The following LRRC20 variants were observed in gnomAD, a reference collection of about 807,000 sequenced individuals.
LRRC20 encodes leucine-rich repeat-containing protein 20.
In LRRC20, 11 loss-of-function variants were observed where a neutral mutation model predicts 14.4. That is an observed-to-expected ratio of 0.77 (90% CI 0.48 to 1.27). LRRC20 has a LOEUF of 1.27. LRRC20 is among the 50% of genes most tolerant of loss of function. The probability of loss-of-function intolerance (pLI) is 0.00; values close to 1 mark genes in which losing one functional copy is unlikely to be tolerated. For synonymous variants in LRRC20, 121 were observed against 107.3 expected (o/e 1.13, Z -0.79); for missense variants, 219 against 251.2 (o/e 0.87, Z 0.87).
intron 2 of LRRC20, among the ~76,000 whole-genome samples, chr10:70,366,524 T>TA (rs980852430): frequency 2.0e-5 from 3 of 151,744 alleles, no homozygotes; most frequent in Middle Eastern, 3.2e-3. Flanking sequence ...CTTAATACTA[T>TA]AAAAAAAGAA....
intron 2 of LRRC20, among the ~76,000 whole-genome samples, chr10:70,342,330 A>G (rs1466047439): frequency 6.6e-6 from 1 of 151,904 alleles, no homozygotes; most frequent in African/African-American, 2.4e-5. Context: ...AAGTTCTAAG[A>G]TTGGATTGTG....
intron 2 of LRRC20, among the ~76,000 whole-genome samples, chr10:70,344,057 TG>T (rs1349897338): frequency 6.6e-6 from 1 of 152,040 alleles, no homozygotes; most frequent in Non-Finnish European, 1.5e-5. Flanking sequence ...AAAAACTAGC[TG>T]GGCATGGTGG....
intron 1 of LRRC20, among the ~76,000 whole-genome samples, chr10:70,378,048 AGAGC>A (rs137908140): frequency 1 from 152,348 of 152,348 alleles, 76,174 homozygotes; most frequent in Non-Finnish European, 1. Flanking sequence ...ATGAGGATTG[AGAGC>A]ACAAAATGTA....
chr10:70,304,120 GACA>G (rs1170305819), intron 4 of LRRC20, among the ~76,000 whole-genome samples: 1 of 151,978 alleles, frequency 6.6e-6, no homozygotes, highest in Non-Finnish European at 1.5e-5. Flanking sequence ...GGATCACTCA[GACA>G]ACACTAGGAC....
chr10:70,326,276 C>T (rs1589068128), intron 3 of LRRC20, among the ~76,000 whole-genome samples: 1 of 147,846 alleles, frequency 6.8e-6, no homozygotes, highest in Non-Finnish European at 1.5e-5. Flanking sequence ...TGACCCCTGC[C>T]CCCTTCCCAG....
chr10:70,327,737 T>A (rs1842382711), intron 3 of LRRC20, among the ~76,000 whole-genome samples: 1 of 152,160 alleles, frequency 6.6e-6, no homozygotes, highest in African/African-American at 2.4e-5. Context: ...TGAAATAACT[T>A]GCCCAAGGTC....
intron 3 of LRRC20, among the ~76,000 whole-genome samples, chr10:70,325,704 T>A (rs1842289743): frequency 6.6e-6 from 1 of 152,198 alleles, no homozygotes; most frequent in African/African-American, 2.4e-5. Flanking sequence ...CAGTCCAGCA[T>A]CTGGTAAGGG....
chr10:70,340,766 G>T, intron 2 of LRRC20, 64 bp from the exon 3 acceptor site: 1 of 1,552,162 alleles, frequency 6.4e-7, no homozygotes, highest in South Asian at 1.1e-5. Context: ...ACTTGTCCCA[G>T]ACTCACACAG....
Position 70,300,895 on chromosome 10 carries a change from T to G in LRRC20, c.*459A>C, listed in dbSNP as rs1383842887. On this transcript the variant is annotated 3_prime_UTR_variant, in exon 5 of 5. Coordinates refer to ENST00000446961, the MANE Select transcript of LRRC20 (RefSeq NM_001278212.2). ...CAATAAATAGATGGAGGTTGTCTTC[T>G]CTTCTCAGGGCAGCAACTGGCTCTC... 1.0e-6 allele frequency: 1 copy of G among 988,090 alleles called. No homozygotes were observed. Among genetic ancestry groups the G allele is most frequent in the Non-Finnish European group, 1.2e-6 (1 of 831,978 alleles). The allele number at this position is 988,090 out of a possible 1,614,324, so 61.2% of individuals were successfully genotyped here. A position where few individuals can be genotyped will look rare whatever the true frequency, so the allele number is the denominator to read the frequency against.
At chr10:70,367,630 A>G (rs1035631827) in intron 2 of LRRC20, among the ~76,000 whole-genome samples, 1 of 152,120 alleles carries the variant, frequency 6.6e-6, no homozygotes, top group African/African-American at 2.4e-5. Flanking sequence ...TTCCATTTCC[A>G]TGATATCCTA....
intron 3 of LRRC20, among the ~76,000 whole-genome samples, chr10:70,326,001 T>A (rs988314077): frequency 2.6e-5 from 4 of 152,216 alleles, no homozygotes; most frequent in Admixed American, 2.6e-4. Flanking sequence ...TCAATTTTGA[T>A]CTTTCCTTAC....
chr10:70,376,328 A>C, intron 2 of LRRC20, 124 bp downstream of exon 2: 1 of 963,080 alleles, frequency 1.0e-6, no homozygotes, highest in Non-Finnish European at 1.6e-6. Context: ...TGAAAGTTCC[A>C]CAAAACACTT....
At chr10:70,326,305 C>T (rs997913128) in intron 3 of LRRC20, among the ~76,000 whole-genome samples, 2 of 150,500 alleles carry the variant, frequency 1.3e-5, no homozygotes, top group Non-Finnish European at 3.0e-5. Context: ...TGTACACACA[C>T]ACACACACAC....
intron 4 of LRRC20, among the ~76,000 whole-genome samples, chr10:70,312,028 T>C (rs1053759234): frequency 2.6e-5 from 4 of 152,176 alleles, no homozygotes; most frequent in Admixed American, 1.3e-4. Flanking sequence ...GGCTCCAGAA[T>C]GCTTTCCTGG....
chr10:70,338,670 T>G lies in LRRC20; in HGVS notation c.232+1883A>C, dbSNP rs1214310765. Among the ~76,000 whole-genome samples, 4 of 152,350 alleles carry G rather than the reference T, an allele frequency of 2.6e-5. No homozygotes were observed. The East Asian group carries it at 7.7e-4, about 29-fold the overall frequency. On this transcript the variant is annotated intron_variant, in intron 3 of 4. Coordinates refer to ENST00000446961, the MANE Select transcript of LRRC20 (RefSeq NM_001278212.2). ...TTGGTTTTTGTTTGTTTGTTTGTTTTGTTTTTTTGAGACATAGTCTTGCTC... is the reference window on the plus strand; with the variant it reads ...TTGGTTTTTGTTTGTTTGTTTGTTTGGTTTTTTTGAGACATAGTCTTGCTC...
chr10:70,325,217 C>G (rs1842274972), intron 3 of LRRC20, among the ~76,000 whole-genome samples: 1 of 152,196 alleles, frequency 6.6e-6, no homozygotes, highest in Non-Finnish European at 1.5e-5. Flanking sequence ...GGGCCCCGCA[C>G]TTGGGGTGGA....
chr10:70,362,401 T>C (rs1371835801), intron 2 of LRRC20, among the ~76,000 whole-genome samples: 2 of 152,204 alleles, frequency 1.3e-5, no homozygotes, highest in Non-Finnish European at 2.9e-5. Flanking sequence ...AAGTGTCAGG[T>C]CATCCACAGC....
intron 2 of LRRC20, among the ~76,000 whole-genome samples, chr10:70,366,198 A>G (rs1843994994): frequency 6.6e-6 from 1 of 151,836 alleles, no homozygotes; most frequent in Non-Finnish European, 1.5e-5. Context: ...TGAGGCAGGC[A>G]GATCACCTGA....
At chr10:70,317,364 T>C (rs1841902147) in intron 4 of LRRC20, among the ~76,000 whole-genome samples, 1 of 152,098 alleles carries the variant, frequency 6.6e-6, no homozygotes, top group Non-Finnish European at 1.5e-5. Flanking sequence ...CTCTCTTTTT[T>C]TTTTTAAATT....
Sources: allele counts gnomAD v4.1 joint callset (sites outside exome capture counted in the v4.1 genomes callset), GRCh38; gene constraint gnomAD v4.1.1; transcripts MANE v1.5; gene names NCBI Gene and HGNC (gene_info 2026-07-23, HGNC 2026-07-21).